Variants in OCIAD1 observed in about 807,000 individuals in gnomAD.
OCIAD1 encodes the protein OCIA domain-containing protein 1.
A neutral mutation model predicts 38.9 loss-of-function variants in OCIAD1; 29 were observed. That is an observed-to-expected ratio of 0.74 (90% CI 0.55 to 1.02). The LOEUF is 1.02. Ranked by LOEUF, OCIAD1 falls within the 50% of genes least tolerant of loss-of-function variation. OCIAD1 has a pLI of 0.00. For missense variants in OCIAD1, 288 were observed against 289.6 expected, an observed-to-expected ratio of 0.99 and a Z score of 0.04; for synonymous variants, 110 against 92.0, an observed-to-expected ratio of 1.20 and a Z score of -1.12.
intron 1 of OCIAD1, among the ~76,000 whole-genome samples, chr4:48,810,878 TTTTC>T (rs375158681): frequency 8.1e-5 from 11 of 136,186 alleles, no homozygotes; most frequent in South Asian, 2.3e-4. Flanking sequence ...CAATTTTCTT[TTTTC>T]TTTCTTTCTT....
rs566494818 is a variant in OCIAD1, at chr4:48,857,956, C to A, written c.700+591C>A. On this transcript the variant is annotated intron_variant, in intron 8 of 8. Transcript: ENST00000264312. ...ATCACTTGAGGCCAGGAATTGGAGA[C>A]CAGCATGGCCAACATGGCGATACCT... 7.9e-5 allele frequency among the ~76,000 whole-genome samples: 12 copies of A among 152,198 alleles called. No homozygotes were observed. The East Asian group carries it at 2.3e-3, about 29-fold the overall frequency.
At chr4:48,842,781 A>G (rs1395328004) in intron 4 of OCIAD1, 92 bp downstream of exon 4, 3 of 679,766 alleles carry the variant, frequency 4.4e-6, no homozygotes, top group South Asian at 1.9e-5. Flanking sequence ...TAAAGATAAC[A>G]ATGTATCATA....
intron 4 of OCIAD1, among the ~76,000 whole-genome samples, chr4:48,845,863 C>A (rs1202583142): frequency 6.6e-6 from 1 of 152,206 alleles, no homozygotes; most frequent in African/African-American, 2.4e-5. Context: ...TCTGTACTGC[C>A]AGCATAATTA....
At chr4:48,860,031 C>G (rs1453054570) in intron 8 of OCIAD1, 1 of 152,210 alleles carries the variant, frequency 6.6e-6, no homozygotes, top group Non-Finnish European at 1.5e-5. Context: ...AGAGTCCACA[C>G]TGTGATAACT....
At chr4:48,810,423 C>T (rs1344198185) in intron 1 of OCIAD1, among the ~76,000 whole-genome samples, 3 of 145,042 alleles carry the variant, frequency 2.1e-5, no homozygotes, top group Admixed American at 7.1e-5. Context: ...GAGCCAAGAT[C>T]GCACCACTGC....
chr4:48,810,009 C>A (rs1033642492), intron 1 of OCIAD1, among the ~76,000 whole-genome samples: 6 of 152,066 alleles, frequency 3.9e-5, no homozygotes, highest in Non-Finnish European at 7.4e-5. Flanking sequence ...GCTTTGGTCC[C>A]CTTGTTTGTA....
At chr4:48,815,840 A>G (rs996779987) in intron 1 of OCIAD1, among the ~76,000 whole-genome samples, 1 of 152,200 alleles carries the variant, frequency 6.6e-6, no homozygotes, top group African/African-American at 2.4e-5. Context: ...TGAAATATTT[A>G]CATTCCACCA....
At chr4:48,839,497 CCA>C (rs1290011782) in intron 3 of OCIAD1, among the ~76,000 whole-genome samples, 1 of 151,626 alleles carries the variant, frequency 6.6e-6, no homozygotes, top group East Asian at 1.9e-4. Context: ...AATCCCAGCT[CCA>C]CACACAGTAG....
At position 48,848,828 on chromosome 4, in the gene OCIAD1, G is replaced by A. The variant is rs562323306; in HGVS notation, c.241+382G>A. On this transcript the variant is annotated intron_variant, in intron 5 of 8. Transcript: ENST00000264312. ...TTTTTAAAAGAAATCTCTCTAATTT[G>A]TATTTTAAAATGTAAATAAGCATAA... Among the ~76,000 whole-genome samples the A allele has an allele frequency of 2.8e-4, 42 of 152,156 alleles. 1 individual carries two copies. The highest frequency in any genetic ancestry group is 9.9e-4 in the African/African-American group (41 of 41,522).
At chr4:48,846,324 CTG>C (rs1778974978) in intron 4 of OCIAD1, among the ~76,000 whole-genome samples, 1 of 152,214 alleles carries the variant, frequency 6.6e-6, no homozygotes, top group Non-Finnish European at 1.5e-5. Flanking sequence ...AAATCATACA[CTG>C]AAATATTCTT....
chr4:48,816,515 G>C (rs1777145052), intron 1 of OCIAD1, among the ~76,000 whole-genome samples: 1 of 145,572 alleles, frequency 6.9e-6, no homozygotes, highest in African/African-American at 2.6e-5. Context: ...CCTGGCAACA[G>C]AGCAAGAGTC....
intron 1 of OCIAD1, among the ~76,000 whole-genome samples, chr4:48,821,658 C>T (rs1393868508): frequency 6.6e-6 from 1 of 152,128 alleles, no homozygotes; most frequent in Non-Finnish European, 1.5e-5. Flanking sequence ...ATTGTCTCAG[C>T]CCAAAAATTC....
chr4:48,840,842 A>G (rs1332328536), intron 3 of OCIAD1, among the ~76,000 whole-genome samples: 1 of 151,508 alleles, frequency 6.6e-6, no homozygotes, highest in African/African-American at 2.4e-5. Flanking sequence ...ACAAAAAAAA[A>G]AAAAAAAAAG....
chr4:48,859,056 G>C (rs1365983607), intron 8 of OCIAD1, among the ~76,000 whole-genome samples: 1 of 152,134 alleles, frequency 6.6e-6, no homozygotes, highest in Non-Finnish European at 1.5e-5. Context: ...GTACCTTCTT[G>C]AAGGTCATAT....
rs575194085 is a variant in OCIAD1 at position 48,822,290 on chromosome 4, G to C, written c.-102-8287G>C. On this transcript the variant is annotated intron_variant, in intron 1 of 6. Coordinates refer to the OCIAD1 transcript ENST00000504654. ...ACAAACCTGACAAAAACAAACAATGGGGAAAGGATTCCCTATTTAATAAAT... is the reference window on the plus strand; with the variant it reads ...ACAAACCTGACAAAAACAAACAATGCGGAAAGGATTCCCTATTTAATAAAT... Among the ~76,000 whole-genome samples the C allele has an allele frequency of 1.2e-4, 19 of 152,272 alleles. No individual in the cohort carries two copies. In the Middle Eastern group the frequency reaches 0.017, roughly 136 times the overall value.
chr4:48,860,171 A>G (rs1780470312), intron 8 of OCIAD1: 1 of 152,454 alleles, frequency 6.6e-6, no homozygotes, highest in African/African-American at 2.4e-5. Context: ...AAAATGTAGT[A>G]GTATTTTCTT....
At chr4:48,830,847 A>G (rs1456196095), upstream of OCIAD1, among the ~76,000 whole-genome samples, 1 of 152,132 alleles carries the variant, frequency 6.6e-6, no homozygotes, top group Non-Finnish European at 1.5e-5. Flanking sequence ...ACAACAGCCC[A>G]AAGTCAAGCC....
intron 3 of OCIAD1, chr4:48,837,324 C>T (rs1778093048): frequency 6.9e-6 from 1 of 144,292 alleles, no homozygotes; most frequent in African/African-American, 2.6e-5. Context: ...CTGGGTTTCA[C>T]TCTTGTTGCC....
chr4:48,820,178 G>T lies in OCIAD1; in HGVS notation c.-102-10399G>T, dbSNP rs147720328. Among the ~76,000 whole-genome samples, 1,167 of 152,274 alleles carry T rather than the reference G, an allele frequency of 7.7e-3. 9 individuals are homozygous for T. Among genetic ancestry groups the T allele is most frequent in the Non-Finnish European group, 0.013 (916 of 68,012 alleles). On this transcript the variant is annotated intron_variant, in intron 1 of 6. Transcript: ENST00000504654. ...AAAACCCTCCTTAGCAAATGCAAAA[G>T]AATGGAAATCATAACAAACAGTCTC...
Sources: allele counts gnomAD v4.1 joint callset (sites outside exome capture counted in the v4.1 genomes callset), GRCh38; gene constraint gnomAD v4.1.1; transcripts MANE v1.5; gene names NCBI Gene and HGNC (gene_info 2026-07-23, HGNC 2026-07-21).